COXFA4L2: variants seen among roughly 807,000 people sequenced by gnomAD.
COXFA4L2 encodes the protein NADH dehydrogenase (ubiquinone) 1 alpha subcomplex, 4-like 2.
the COXFA4L2 span, chr12:57,240,596 C>A: frequency 1.1e-6 from 1 of 899,050 alleles, no homozygotes; most frequent in African/African-American, 1.8e-5. Context: ...CGCGCACGTG[C>A]GTCACACTGT....
the COXFA4L2 span, chr12:57,240,123 C>G: frequency 6.6e-6 from 1 of 152,240 alleles, no homozygotes; most frequent in Non-Finnish European, 1.5e-5. Context: ...GGCCCCTGAC[C>G]CCCCTCTGCC....
At chr12:57,237,220 C>T in the COXFA4L2 span, 1 of 1,533,138 alleles carries the variant, frequency 6.5e-7, no homozygotes, top group South Asian at 1.2e-5. Flanking sequence ...TCTTTGGACT[C>T]ACCCCACCCC....
At chr12:57,236,601 G>C in the COXFA4L2 span, 177 of 1,580,990 alleles carry the variant, frequency 1.1e-4, no homozygotes, top group Non-Finnish European at 1.5e-4. Context: ...ACCAGACGTC[G>C]GGGCTGCGAA....
the COXFA4L2 span, among the ~76,000 whole-genome samples, chr12:57,238,419 G>A: frequency 1.3e-5 from 2 of 152,264 alleles, no homozygotes; most frequent in Middle Eastern, 3.4e-3. This position sits in a 1 kb window ranked among gnomAD's most constrained non-coding sequence, Gnocchi z 6.8. Context: ...GGGGGGGCGG[G>A]GGAGCGGGGC....
At chr12:57,236,562 C>G in the COXFA4L2 span, 5 of 1,529,054 alleles carry the variant, frequency 3.3e-6, no homozygotes, top group Non-Finnish European at 4.4e-6. Flanking sequence ...CTCACCCAGG[C>G]CCCCGTGAGC....
the COXFA4L2 span, chr12:57,237,025 T>C: frequency 1.2e-6 from 2 of 1,614,186 alleles, no homozygotes; most frequent in East Asian, 2.2e-5. Flanking sequence ...TTCTGAGGAC[T>C]CACCCCCGGA....
At chr12:57,239,533 G>A in the COXFA4L2 span, 1 of 152,366 alleles carries the variant, frequency 6.6e-6, no homozygotes. The surrounding 1 kb of genome is among the most constrained non-coding windows in gnomAD (Gnocchi z 5.5). Flanking sequence ...GATGCCTGGG[G>A]GCCGGGGAGG....
chr12:57,240,139 T>TA, the COXFA4L2 span: 1 of 152,160 alleles, frequency 6.6e-6, no homozygotes, highest in African/African-American at 2.4e-5. Context: ...CTGCCATTAT[T>TA]AAGGGCGCCT....
At chr12:57,239,139 C>A in the COXFA4L2 span, among the ~76,000 whole-genome samples, 2 of 152,374 alleles carry the variant, frequency 1.3e-5, no homozygotes, top group South Asian at 4.1e-4. The surrounding 1 kb of genome is among the most constrained non-coding windows in gnomAD (Gnocchi z 5.5). Context: ...ACCAGGATCC[C>A]AATCCGCGCG....
chr12:57,237,627 C>T, the COXFA4L2 span, among the ~76,000 whole-genome samples: 1 of 152,210 alleles, frequency 6.6e-6, no homozygotes, highest in Non-Finnish European at 1.5e-5. Context: ...CACCGTAAAG[C>T]TCCCCCAGCC....
the COXFA4L2 span, chr12:57,237,426 C>T: frequency 3.6e-6 from 4 of 1,111,210 alleles, no homozygotes; most frequent in South Asian, 7.8e-5. Flanking sequence ...TGGGAGGAGG[C>T]ATGGCCATGG....
At chr12:57,239,030 C>G in the COXFA4L2 span, among the ~76,000 whole-genome samples, 6 of 152,362 alleles carry the variant, frequency 3.9e-5, no homozygotes, top group African/African-American at 1.4e-4. The surrounding 1 kb of genome is among the most constrained non-coding windows in gnomAD (Gnocchi z 5.5). Context: ...GGACTCAGGC[C>G]ACGCTGGCCC....
chr12:57,239,956 C>G, the COXFA4L2 span: 1 of 152,290 alleles, frequency 6.6e-6, no homozygotes, highest in Non-Finnish European at 1.5e-5. The surrounding 1 kb of genome is among the most constrained non-coding windows in gnomAD (Gnocchi z 5.5). Context: ...CAGGGCAGCC[C>G]GGAGACGCCT....
chr12:57,236,335 C>G, the COXFA4L2 span: 4 of 475,672 alleles, frequency 8.4e-6, no homozygotes, highest in Non-Finnish European at 1.5e-5. Flanking sequence ...GCTGGCTGAG[C>G]GGCGTCGTCA....
the COXFA4L2 span, chr12:57,236,144 T>C: frequency 2.9e-6 from 1 of 342,874 alleles, no homozygotes; most frequent in Non-Finnish European, 5.3e-6. Flanking sequence ...GGGCTGGGTT[T>C]CTGGTGATGT....
chr12:57,235,592 T>C, the COXFA4L2 span: 3 of 1,614,070 alleles, frequency 1.9e-6, no homozygotes, highest in Non-Finnish European at 2.5e-6. Context: ...TTCTTCAGCT[T>C]CTTATAGTCA....
At chr12:57,240,636 C>T in the COXFA4L2 span, 3 of 982,388 alleles carry the variant, frequency 3.1e-6, no homozygotes, top group Non-Finnish European at 3.6e-6. Flanking sequence ...GCGCGGCTCA[C>T]ACCCAGGCAC....
At chr12:57,235,717 TG>T in the COXFA4L2 span, 21 of 1,611,054 alleles carry the variant, frequency 1.3e-5, no homozygotes, top group Admixed American at 3.3e-5. Context: ...GATAAGAGGA[TG>T]GGGGGCAACC....
At chr12:57,236,774 C>T in the COXFA4L2 span, 89 of 1,200,522 alleles carry the variant, frequency 7.4e-5, no homozygotes, top group Middle Eastern at 2.0e-4. Context: ...CCCAACCCCA[C>T]CCCGGGTCTG....
Sources: allele counts gnomAD v4.1 joint callset (sites outside exome capture counted in the v4.1 genomes callset), GRCh38; gene constraint gnomAD v4.1.1; non-coding constraint Gnocchi (gnomAD v3.1); transcripts MANE v1.5; gene names NCBI Gene and HGNC (gene_info 2026-07-23, HGNC 2026-07-21).